The following SCN1A variants were observed in gnomAD, a reference collection of about 807,000 sequenced individuals.
The protein encoded by SCN1A is sodium channel protein type 1 subunit alpha.
SCN1A carries 13 observed loss-of-function variants against 193.7 expected under a neutral mutation model. The ratio of observed to expected loss-of-function variants is 0.07; its 90% CI spans 0.04 to 0.11. The LOEUF (loss-of-function observed/expected upper bound fraction) is 0.11. Among genes scored for constraint, SCN1A ranks in the 10% least tolerant of loss-of-function variants. SCN1A has a pLI of 1.00. For synonymous variants in SCN1A, 781 were observed against 843.6 expected (o/e 0.93, Z 1.29); for missense variants, 1,432 against 2,451.1 (o/e 0.58, Z 8.78).
At chr2:166,011,025 T>A (rs1692370072) in intron 22 of SCN1A, among the ~76,000 whole-genome samples, 1 of 151,188 alleles carries the variant, frequency 6.6e-6, no homozygotes, top group African/African-American at 2.4e-5. Flanking sequence ...AATTCTGAAA[T>A]TGAAACATAA....
Position 165,992,534 on chromosome 2 carries a change from T to G in SCN1A, c.4853-112A>C. Reference sequence around the variant, plus strand: ...TTCAGAGTCCTGAACCCAGTTATATTAAATATGACAACTATATATAATATA... The same window carrying G: ...TTCAGAGTCCTGAACCCAGTTATATGAAATATGACAACTATATATAATATA... On this transcript the variant is annotated intron_variant, in intron 28 of 28. Transcript: ENST00000674923. The surrounding 1 kb of genome is among the most constrained non-coding windows in gnomAD (Gnocchi z 6.5). The G allele has an allele frequency of 3.3e-6, 3 of 911,058 alleles. No homozygotes were observed. The highest frequency in any genetic ancestry group is 3.5e-6 in the Non-Finnish European group (2 of 574,744). 56.4% of individuals were successfully genotyped at this position (911,058 alleles called of 1,614,324 possible).
chr2:166,069,140 A>C (rs1044494221), intron 4 of SCN1A, among the ~76,000 whole-genome samples: 1 of 152,056 alleles, frequency 6.6e-6, no homozygotes, highest in African/African-American at 2.4e-5. Flanking sequence ...GTAAATAAAC[A>C]AACAAAGGGA....
At chr2:166,063,261 C>A (rs1285715990) in intron 4 of SCN1A, among the ~76,000 whole-genome samples, 2 of 152,056 alleles carry the variant, frequency 1.3e-5, no homozygotes, top group Non-Finnish European at 2.9e-5. Flanking sequence ...ACTGAGGTAA[C>A]AACTAGATTT....
At chr2:166,097,390 T>C (rs368095342) in intron 2 of SCN1A, among the ~76,000 whole-genome samples, 54 of 152,326 alleles carry the variant, frequency 3.5e-4, no homozygotes, top group African/African-American at 1.3e-3. Context: ...TTAATAGTTC[T>C]AGAAATCTCA....
At chr2:165,996,791 A>C (rs1690130587) in intron 26 of SCN1A, among the ~76,000 whole-genome samples, 1 of 151,452 alleles carries the variant, frequency 6.6e-6, no homozygotes, top group South Asian at 2.1e-4. Context: ...CTGTAGTCTA[A>C]GAAAGCACTC....
chr2:166,036,815 T>G (rs1696448275), intron 18 of SCN1A, among the ~76,000 whole-genome samples: 1 of 152,198 alleles, frequency 6.6e-6, no homozygotes, highest in Non-Finnish European at 1.5e-5. Context: ...TAAAATTGTA[T>G]GAGTAGAAGA....
rs539818854 is a variant in SCN1A at position 166,019,159 on chromosome 2, G to A, written c.3430-3432C>T. 2.2e-4 allele frequency among the ~76,000 whole-genome samples: 34 copies of A among 152,200 alleles called. No individual in the cohort carries two copies. The South Asian group carries it at 7.1e-3, about 32-fold the overall frequency. ...GGATGGATACAATATACTTCTAAGT[G>A]TGCTTTCTTTTTTTAATGCATAGAG... On this transcript the variant is annotated intron_variant, in intron 19 of 28. Transcript: ENST00000674923.
At chr2:166,094,730 C>A (rs1014321778) in intron 2 of SCN1A, among the ~76,000 whole-genome samples, 1 of 151,826 alleles carries the variant, frequency 6.6e-6, no homozygotes, top group Non-Finnish European at 1.5e-5. Context: ...AAATACCAAT[C>A]AACCAAACAA....
At chr2:166,083,955 G>A (rs1011250852) in intron 2 of SCN1A, among the ~76,000 whole-genome samples, 1 of 152,182 alleles carries the variant, frequency 6.6e-6, no homozygotes, top group Non-Finnish European at 1.5e-5. Context: ...GATGTAGAGA[G>A]TGAAGTCTAA....
Position 166,051,909 on chromosome 2 carries a change from C to A in SCN1A, c.774G>T (p.Leu258=), listed in dbSNP as rs577716692. ...GCAGCCCAATTAGAGCAAATACGCTCAGACAGAACACAGTCAGGATCATTA... is the reference window on the plus strand; with the variant it reads ...GCAGCCCAATTAGAGCAAATACGCTAAGACAGAACACAGTCAGGATCATTA... ...SDVMILTVFC[L]SVFALIGLQL... is the part of the protein sequence containing the mutation. The change falls in exon 9 of 29, where the codon CTG becomes CTT. Residue 258 remains leucine, a synonymous_variant. Coordinates refer to ENST00000674923, the MANE Select transcript of SCN1A (RefSeq NM_001165963.4). The A allele has an allele frequency of 6.2e-7, 1 of 1,612,586 alleles. No homozygotes were observed. The highest frequency in any genetic ancestry group is 1.1e-5 in the South Asian group (1 of 91,050).
In SCN1A at chr2:166,012,727, AT is replaced by A. The variant is rs557392823; in HGVS notation, c.3706-446del. Among the ~76,000 whole-genome samples, 18 of 149,952 alleles carry A rather than the reference AT, an allele frequency of 1.2e-4. No homozygotes were observed. The East Asian group carries it at 3.3e-3, about 28-fold the overall frequency. On this transcript the variant is annotated intron_variant, in intron 21 of 28. Coordinates refer to ENST00000674923, the MANE Select transcript of SCN1A (RefSeq NM_001165963.4). The stretch of plus-strand genomic sequence containing the variant: ...TCTTCGCAGTCTCCAATTTGACTAA[AT>A]AGTTGGGTTCATCTGCTTCTTTTTT...
At chr2:166,148,959 T>G (rs1692427520) in intron 1 of SCN1A, 1 of 152,222 alleles carries the variant, frequency 6.6e-6, no homozygotes, top group Middle Eastern at 3.2e-3. Flanking sequence ...GTAATCTCAG[T>G]AATTTCTCCC....
chr2:166,015,528 T>C, intron 20 of SCN1A, 79 bp downstream of exon 20: 1 of 1,539,320 alleles, frequency 6.5e-7, no homozygotes, highest in South Asian at 1.1e-5. Context: ...TTTTATTATA[T>C]GTGATTTATT....
rs1398772442 is a variant in SCN1A, at chr2:165,987,094, CCTTT to C, written c.*4147_*4150del. 1.3e-5 allele frequency: 2 copies of C among 152,006 alleles called. No individual in the cohort carries two copies. Among genetic ancestry groups the C allele is most frequent in the African/African-American group, 4.8e-5 (2 of 41,406 alleles). 9.4% of individuals were successfully genotyped at this position (152,006 alleles called of 1,614,324 possible). A position where few individuals can be genotyped will look rare whatever the true frequency, so the allele number is the denominator to read the frequency against. On this transcript the variant is annotated 3_prime_UTR_variant, in exon 29 of 29. Transcript: ENST00000674923. ...TCTTTGACCTCATGGAATTCTTTAG[CCTTT>C]CTTTGTCTTTCATGACATTGACATT...
intron 2 of SCN1A, among the ~76,000 whole-genome samples, chr2:166,083,667 A>AT (rs1189438223): frequency 2.0e-5 from 3 of 151,958 alleles, no homozygotes; most frequent in Non-Finnish European, 2.9e-5. Context: ...GATTAATTTC[A>AT]TTTTTTTCCT....
At chr2:166,073,266 T>C in intron 4 of SCN1A, 92 bp downstream of exon 4, 1 of 1,458,116 alleles carries the variant, frequency 6.9e-7, no homozygotes, top group African/African-American at 1.4e-5. Flanking sequence ...TACTTAAGAT[T>C]TTGTGCTAAT....
intron 2 of SCN1A, among the ~76,000 whole-genome samples, chr2:166,082,642 TCCA>T (rs1359566424): frequency 1.3e-5 from 2 of 152,004 alleles, no homozygotes; most frequent in Non-Finnish European, 2.9e-5. Context: ...GAACTATACC[TCCA>T]CCGTCAATTT....
At position 165,989,028 on chromosome 2, in the gene SCN1A, CTGTG is replaced by C. The variant is rs140461403; in HGVS notation, c.*2213_*2216del. ...TTTTGTTGTCAACGTGGGTATGCCTCTGTGTGTGTGTGTGTGTGTGTGTGTGTGT... is the reference window on the plus strand; with the variant it reads ...TTTTGTTGTCAACGTGGGTATGCCTCTGTGTGTGTGTGTGTGTGTGTGTGT... On this transcript the variant is annotated 3_prime_UTR_variant, in exon 29 of 29. Transcript: ENST00000674923. The C allele has an allele frequency of 0.013, 1,323 of 103,924 alleles. 8 individuals are homozygous for C. The highest frequency in any genetic ancestry group is 0.038 in the East Asian group (135 of 3,532). The allele number at this position is 103,924 out of a possible 1,614,324, so 6.4% of individuals were successfully genotyped here.
chr2:166,004,165 G>A (rs1011816104), intron 23 of SCN1A, among the ~76,000 whole-genome samples: 13 of 151,414 alleles, frequency 8.6e-5, no homozygotes, highest in African/African-American at 1.2e-4. Flanking sequence ...ATAAATTCTC[G>A]TTATATAATT....
Sources: allele counts gnomAD v4.1 joint callset (sites outside exome capture counted in the v4.1 genomes callset), GRCh38; gene constraint gnomAD v4.1.1; non-coding constraint Gnocchi (gnomAD v3.1); transcripts MANE v1.5; gene names NCBI Gene and HGNC (gene_info 2026-07-23, HGNC 2026-07-21).